The following RGS10 variants were observed in gnomAD, a reference collection of about 807,000 sequenced individuals.
The protein encoded by RGS10 is regulator of G-protein signalling 10.
Under a neutral mutation model 23.5 loss-of-function variants are expected in RGS10, and 11 were observed. That is an observed-to-expected ratio of 0.47 (90% CI 0.29 to 0.77). The LOEUF is 0.77. Among genes scored for constraint, RGS10 ranks in the 30% least tolerant of loss-of-function variants. RGS10 has a pLI of 0.08. For missense variants in RGS10, 180 were observed against 226.3 expected (o/e 0.80, Z 1.31); for synonymous variants, 77 against 83.2 (o/e 0.92, Z 0.41).
chr10:119,508,785 C>T (rs745926970), intron 4 of RGS10, among the ~76,000 whole-genome samples: 10 of 152,172 alleles, frequency 6.6e-5, no homozygotes, highest in Non-Finnish European at 1.5e-4. Flanking sequence ...TAAGCATGTA[C>T]TAATTCAATA....
At chr10:119,519,853 A>G (rs1047796211) in intron 3 of RGS10, among the ~76,000 whole-genome samples, 4 of 151,998 alleles carry the variant, frequency 2.6e-5, no homozygotes, top group Admixed American at 2.0e-4. Context: ...GTCCTTGGTG[A>G]CAACTCTAAC....
At chr10:119,537,887 T>C (rs1179490031) in intron 1 of RGS10, among the ~76,000 whole-genome samples, 1 of 152,174 alleles carries the variant, frequency 6.6e-6, no homozygotes, top group East Asian at 1.9e-4. Context: ...GTGCAGGACA[T>C]ACAAAAGGGA....
intron 1 of RGS10, among the ~76,000 whole-genome samples, chr10:119,531,992 G>A (rs1468177722): frequency 6.6e-6 from 1 of 152,128 alleles, no homozygotes; most frequent in Non-Finnish European, 1.5e-5. Context: ...TGGTTTTCTG[G>A]CTATGGTGCT....
chr10:119,536,597 C>G, intron 1 of RGS10: 2 of 1,158,858 alleles, frequency 1.7e-6, no homozygotes, highest in Admixed American at 2.4e-5. Flanking sequence ...AAAAAACAAG[C>G]CTCAACATCC....
chr10:119,500,436 T>C (rs1843940184), intron 4 of RGS10, among the ~76,000 whole-genome samples, 177 bp from the exon 5 acceptor site: 1 of 152,134 alleles, frequency 6.6e-6, no homozygotes, highest in Admixed American at 6.5e-5. Context: ...TGGAGATTTT[T>C]GGTCATTATG....
At chr10:119,539,200 C>G (rs986972661) in intron 1 of RGS10, among the ~76,000 whole-genome samples, 7 of 152,206 alleles carry the variant, frequency 4.6e-5, no homozygotes, top group Non-Finnish European at 1.0e-4. Flanking sequence ...CAGTGATATT[C>G]TGCAGAGAAA....
chr10:119,527,292 T>A lies in RGS10; in HGVS notation c.168+14A>T. ...ACACTGCATCCATCCCGATTAACAA[T>A]GAAAAAGACAAACCCTAAATCTTTT... is the stretch of plus-strand genomic sequence containing the variant. On this transcript the variant is annotated intron_variant, in intron 2 of 4. Coordinates refer to ENST00000369103, the MANE Select transcript of RGS10 (RefSeq NM_001005339.2). The surrounding 1 kb of genome is among the most constrained non-coding windows in gnomAD (Gnocchi z 4.2). 6.3e-7 allele frequency: 1 copy of A among 1,592,020 alleles called. No homozygotes were observed. Among genetic ancestry groups the A allele is most frequent in the Non-Finnish European group, 8.6e-7 (1 of 1,160,252 alleles).
chr10:119,522,283 C>G, intron 3 of RGS10, among the ~76,000 whole-genome samples: 1 of 152,178 alleles, frequency 6.6e-6, no homozygotes, highest in South Asian at 2.1e-4. Context: ...ATTAAAACAA[C>G]AGAGGCGAGA....
intron 3 of RGS10, among the ~76,000 whole-genome samples, chr10:119,525,687 C>T (rs758897927): frequency 3.3e-5 from 5 of 152,144 alleles, no homozygotes; most frequent in Admixed American, 2.0e-4. Context: ...TACACATCTG[C>T]GTATCGTTTT....
intron 1 of RGS10, among the ~76,000 whole-genome samples, chr10:119,536,855 C>A (rs980200984): frequency 1.3e-5 from 2 of 152,116 alleles, no homozygotes; most frequent in Non-Finnish European, 2.9e-5. Context: ...GCTGCCCTCA[C>A]CCTCCTACTC....
chr10:119,529,677 C>G (rs889460809), intron 1 of RGS10, among the ~76,000 whole-genome samples: 2 of 152,204 alleles, frequency 1.3e-5, no homozygotes, highest in African/African-American at 4.8e-5. Context: ...AAATAACCAT[C>G]TATCAAGCAA....
intron 4 of RGS10, among the ~76,000 whole-genome samples, chr10:119,510,983 GC>G (rs1438966856): frequency 1.3e-5 from 2 of 152,134 alleles, no homozygotes; most frequent in Non-Finnish European, 2.9e-5. Context: ...CTCCCAAAGT[GC>G]TGGGATTACA....
At chr10:119,520,937 A>G (rs546725508) in intron 3 of RGS10, among the ~76,000 whole-genome samples, 47 of 152,210 alleles carry the variant, frequency 3.1e-4, no homozygotes, top group Non-Finnish European at 4.8e-4. Context: ...TACTAAAATG[A>G]TGATAACAAT....
At chr10:119,534,240 A>C (rs1450101410) in intron 1 of RGS10, among the ~76,000 whole-genome samples, 2 of 149,422 alleles carry the variant, frequency 1.3e-5, no homozygotes, top group Admixed American at 1.4e-4. Flanking sequence ...TGAGCAACAA[A>C]ACAAGAACCT....
At chr10:119,508,297 G>A (rs375829319) in intron 4 of RGS10, among the ~76,000 whole-genome samples, 46 of 152,308 alleles carry the variant, frequency 3.0e-4, no homozygotes, top group African/African-American at 1.0e-3. Flanking sequence ...ACTGTGCCCG[G>A]CCCAAAATCT....
At chr10:119,521,493 C>G (rs59089817) in intron 3 of RGS10, among the ~76,000 whole-genome samples, 44,831 of 150,614 alleles carry the variant, frequency 0.3, 6,869 homozygotes, top group Middle Eastern at 0.35. Context: ...TCGCTTGAAC[C>G]TGGAAGACAG....
At chr10:119,510,249 C>G (rs886639880) in intron 4 of RGS10, among the ~76,000 whole-genome samples, 1 of 152,208 alleles carries the variant, frequency 6.6e-6, no homozygotes, top group African/African-American at 2.4e-5. Context: ...ACCACAGCCT[C>G]GGGGCCTGAC....
chr10:119,539,178 C>G (rs112618631), intron 1 of RGS10, among the ~76,000 whole-genome samples: 610 of 152,352 alleles, frequency 4.0e-3, no homozygotes, highest in Non-Finnish European at 7.3e-3. Context: ...CTCTGTCCCC[C>G]CAGGCCTGGG....
rs1379015703 is a variant in RGS10, at chr10:119,538,740, G to T, written c.49+3850C>A. Among the ~76,000 whole-genome samples the T allele has an allele frequency of 6.6e-6, 1 of 152,184 alleles. No individual in the cohort carries two copies. Among genetic ancestry groups the T allele is most frequent in the East Asian group, 1.9e-4 (1 of 5,186 alleles). On this transcript the variant is annotated intron_variant, in intron 1 of 4. Transcript: ENST00000369103. The surrounding 1 kb of genome is among the most constrained non-coding windows in gnomAD (Gnocchi z 4.5). The stretch of plus-strand genomic sequence containing the variant: ...TCACTCCAGCGGATGCCGCCTGACA[G>T]CTCTTATCAAGGGGCCACTGCTGCT...
Sources: gnomAD v4.1 joint callset for allele counts (sites outside exome capture counted in the v4.1 genomes callset) on GRCh38, gnomAD v4.1.1 for gene constraint, Gnocchi (gnomAD v3.1) non-coding constraint, MANE v1.5 for transcripts, NCBI Gene and HGNC (gene_info 2026-07-23, HGNC 2026-07-21) for gene names.